The following EPHA3 variants were observed in gnomAD, a reference collection of about 807,000 sequenced individuals.
The protein encoded by EPHA3 is EPH receptor A3, also known as ephrin type-A receptor 3.
EPHA3 carries 42 observed loss-of-function variants against 107.1 expected under a neutral mutation model. The observed-to-expected ratio is 0.39, with a 90% CI of 0.31 to 0.51. EPHA3 has a LOEUF of 0.51. Among genes scored for constraint, EPHA3 ranks in the 20% least tolerant of loss-of-function variants. The probability of loss-of-function intolerance (pLI) is 0.78; values close to 1 mark genes in which losing one functional copy is unlikely to be tolerated. For missense variants in EPHA3, 1,183 were observed against 1,211.2 expected (o/e 0.98, Z 0.35); for synonymous variants, 461 against 424.8 (o/e 1.09, Z -1.05).
intron 5 of EPHA3, among the ~76,000 whole-genome samples, chr3:89,377,971 C>T (rs896421018): frequency 1.3e-5 from 2 of 152,068 alleles, no homozygotes; most frequent in Non-Finnish European, 2.9e-5. Context: ...CTACTTTTTA[C>T]TCCAGGTTAT....
chr3:89,324,367 C>T (rs1323863798), intron 3 of EPHA3, among the ~76,000 whole-genome samples: 4 of 151,664 alleles, frequency 2.6e-5, no homozygotes, highest in African/African-American at 9.7e-5. Flanking sequence ...GACGAGGTTT[C>T]CCCATGTTGG....
chr3:89,471,041 G>A (rs1298644133), intron 15 of EPHA3, among the ~76,000 whole-genome samples: 1 of 152,042 alleles, frequency 6.6e-6, no homozygotes, highest in Non-Finnish European at 1.5e-5. Context: ...CAAAACTAAA[G>A]GCTTTTATAA....
intron 5 of EPHA3, among the ~76,000 whole-genome samples, chr3:89,391,484 A>G (rs1412641338): frequency 1.6e-5 from 2 of 126,456 alleles, no homozygotes; most frequent in Non-Finnish European, 3.1e-5. Context: ...CAGTGGCGTG[A>G]TCTCGACTCG....
intron 3 of EPHA3, among the ~76,000 whole-genome samples, chr3:89,255,088 A>G (rs1209054288): frequency 6.6e-6 from 1 of 152,244 alleles, no homozygotes; most frequent in African/African-American, 2.4e-5. Flanking sequence ...TATGTAAAAT[A>G]ACTTTCATAA....
chr3:89,413,431 G>T (rs1359719893), intron 10 of EPHA3, among the ~76,000 whole-genome samples, 165 bp downstream of exon 10: 1 of 151,740 alleles, frequency 6.6e-6, no homozygotes, highest in Non-Finnish European at 1.5e-5. Flanking sequence ...TGAGTTCAAA[G>T]GTGCCAGACT....
chr3:89,395,709 T>G, intron 5 of EPHA3, 128 bp from the exon 6 acceptor site: 3 of 1,175,316 alleles, frequency 2.6e-6, no homozygotes, highest in Non-Finnish European at 3.6e-6. Context: ...TAGTGCTTTC[T>G]TGCCAAAAAA....
intron 3 of EPHA3, among the ~76,000 whole-genome samples, chr3:89,331,884 C>T (rs924482061): frequency 3.3e-5 from 5 of 151,978 alleles, no homozygotes; most frequent in African/African-American, 1.2e-4. Context: ...CTATACATTC[C>T]AATGCTGTTC....
chr3:89,452,544 A>G (rs1470741131), intron 15 of EPHA3, among the ~76,000 whole-genome samples: 1 of 152,076 alleles, frequency 6.6e-6, no homozygotes, highest in Non-Finnish European at 1.5e-5. Flanking sequence ...TAATAGGGGT[A>G]TTATTATTTT....
chr3:89,171,685 T>G (rs1254953765), intron 2 of EPHA3, among the ~76,000 whole-genome samples: 2 of 152,194 alleles, frequency 1.3e-5, no homozygotes, highest in East Asian at 3.9e-4. Flanking sequence ...ATGTTTTCCT[T>G]GTGATGTGAT....
chr3:89,354,698 A>G (rs1292852393), intron 5 of EPHA3, among the ~76,000 whole-genome samples: 10 of 151,160 alleles, frequency 6.6e-5, no homozygotes, highest in Admixed American at 5.3e-4. Flanking sequence ...TTGCTGACCT[A>G]ACTCTTCTTG....
intron 2 of EPHA3, among the ~76,000 whole-genome samples, chr3:89,180,470 T>TGGTTA (rs1252446983): frequency 6.6e-6 from 1 of 152,052 alleles, no homozygotes; most frequent in Non-Finnish European, 1.5e-5. Context: ...ACAGGAACAC[T>TGGTTA]GGTTAGAAAG....
intron 3 of EPHA3, among the ~76,000 whole-genome samples, chr3:89,211,740 C>CT (rs1559602915): frequency 6.2e-4 from 6 of 9,662 alleles, no homozygotes; most frequent in African/African-American, 1.2e-3. Flanking sequence ...TCTTCTTCTT[C>CT]TCCTTCTTCT....
In EPHA3 at chr3:89,243,708, G is replaced by A. The variant is rs557906598; in HGVS notation, c.814+33188G>A. 2.7e-4 allele frequency among the ~76,000 whole-genome samples: 41 copies of A among 152,236 alleles called. 1 individual carries two copies. The highest frequency in any genetic ancestry group is 4.1e-4 in the South Asian group (2 of 4,826). On this transcript the variant is annotated intron_variant, in intron 3 of 16. Coordinates refer to ENST00000336596, the MANE Select transcript of EPHA3 (RefSeq NM_005233.6). ...GCAAAAATTTTCTCCCATTCTGTAG[G>A]TTGCGTGTTCACTCTGAGAGTAGTT...
intron 3 of EPHA3, among the ~76,000 whole-genome samples, chr3:89,229,959 T>C (rs1704590245): frequency 6.6e-6 from 1 of 152,086 alleles, no homozygotes; most frequent in African/African-American, 2.4e-5. Flanking sequence ...ATGTTAGAAA[T>C]GGCATAATTT....
At chr3:89,309,738 T>C (rs555974280) in intron 3 of EPHA3, among the ~76,000 whole-genome samples, 5 of 152,202 alleles carry the variant, frequency 3.3e-5, no homozygotes, top group Non-Finnish European at 7.4e-5. Context: ...CCTAGGTCAA[T>C]AGTAATATGT....
intron 15 of EPHA3, 127 bp from the exon 16 acceptor site, chr3:89,472,337 A>T: frequency 9.7e-7 from 1 of 1,026,112 alleles, no homozygotes; most frequent in South Asian, 1.7e-5. Context: ...ATGGCAGATA[A>T]ATTCCACAAA....
At chr3:89,194,587 G>A (rs960300384) in intron 2 of EPHA3, among the ~76,000 whole-genome samples, 5 of 151,960 alleles carry the variant, frequency 3.3e-5, no homozygotes, top group Admixed American at 2.0e-4. Context: ...AAATTGTTAG[G>A]ACAAAATCTC....
chr3:89,204,607 A>AAT (rs1706055747), intron 2 of EPHA3, among the ~76,000 whole-genome samples: 1 of 45,498 alleles, frequency 2.2e-5, no homozygotes, highest in African/African-American at 7.1e-5. Flanking sequence ...TCTGTGTGTA[A>AAT]ATGTGTGTGT....
chr3:89,461,327 T>C (rs1710237017), intron 15 of EPHA3, among the ~76,000 whole-genome samples: 1 of 69,480 alleles, frequency 1.4e-5, no homozygotes, highest in East Asian at 3.8e-4. Flanking sequence ...TTTATACTCA[T>C]TTGGGTATAT....
Sources: allele counts gnomAD v4.1 joint callset (sites outside exome capture counted in the v4.1 genomes callset), GRCh38; gene constraint gnomAD v4.1.1; transcripts MANE v1.5; gene names NCBI Gene and HGNC (gene_info 2026-07-23, HGNC 2026-07-21).